The following EEIG1 variants were observed in gnomAD, a reference collection of about 807,000 sequenced individuals.
The protein encoded by EEIG1 is estrogen-induced osteoclastogenesis regulator 1.
chr9:127,954,572 C>G, the EEIG1 span, among the ~76,000 whole-genome samples: 4 of 152,328 alleles, frequency 2.6e-5, no homozygotes, highest in East Asian at 1.9e-4. Context: ...GGCCCTGGAG[C>G]CTGCTCCAAG....
the EEIG1 span, among the ~76,000 whole-genome samples, chr9:127,954,907 G>A: frequency 6.6e-6 from 1 of 152,334 alleles, no homozygotes; most frequent in Admixed American, 6.5e-5. Flanking sequence ...CCCTGGGAGT[G>A]AGTGGGAGCC....
chr9:127,963,312 T>C, the EEIG1 span, among the ~76,000 whole-genome samples: 1 of 152,190 alleles, frequency 6.6e-6, no homozygotes, highest in Non-Finnish European at 1.5e-5. Flanking sequence ...CCCCATGCAG[T>C]ACATGGGACC....
At chr9:127,945,294 G>T in the EEIG1 span, 1 of 1,229,094 alleles carries the variant, frequency 8.1e-7, no homozygotes, top group Non-Finnish European at 1.1e-6. The surrounding 1 kb of genome is among the most constrained non-coding windows in gnomAD (Gnocchi z 6.5). Context: ...TGTGTTATAG[G>T]TAAAGAAGCG....
the EEIG1 span, chr9:127,943,312 G>A: frequency 2.1e-6 from 3 of 1,461,932 alleles, no homozygotes; most frequent in Non-Finnish European, 2.9e-6. Context: ...CCAGGCCTCT[G>A]GAGGTGTTTC....
At chr9:127,948,073 G>A in the EEIG1 span, 2 of 1,610,852 alleles carry the variant, frequency 1.2e-6, no homozygotes, top group Non-Finnish European at 1.7e-6. Context: ...AACTGTACCT[G>A]AGCTGAGAAT....
the EEIG1 span, among the ~76,000 whole-genome samples, chr9:127,978,947 G>A: frequency 6.6e-6 from 1 of 152,106 alleles, no homozygotes. Context: ...AACCCGGGAG[G>A]TAGAGGTTGC....
chr9:127,975,704 TG>T, the EEIG1 span, among the ~76,000 whole-genome samples: 1 of 152,250 alleles, frequency 6.6e-6, no homozygotes, highest in South Asian at 2.1e-4. Flanking sequence ...GGTAAGTCAG[TG>T]CCTCCCTTGT....
chr9:127,974,669 G>T, the EEIG1 span, among the ~76,000 whole-genome samples: 1 of 152,230 alleles, frequency 6.6e-6, no homozygotes, highest in Non-Finnish European at 1.5e-5. Flanking sequence ...CCGGGATCCA[G>T]TGGGATGCAG....
At chr9:127,963,177 T>C in the EEIG1 span, among the ~76,000 whole-genome samples, 1 of 152,208 alleles carries the variant, frequency 6.6e-6, no homozygotes. Flanking sequence ...GTTTCCATAA[T>C]TGAAATTTAA....
chr9:127,941,093 G>C, the EEIG1 span: 1 of 152,332 alleles, frequency 6.6e-6, no homozygotes, highest in Non-Finnish European at 1.5e-5. Flanking sequence ...CTGAGGACAG[G>C]GCTCCCACAT....
At chr9:127,952,382 AC>A in the EEIG1 span, among the ~76,000 whole-genome samples, 5 of 152,240 alleles carry the variant, frequency 3.3e-5, no homozygotes, top group Admixed American at 3.3e-4. Flanking sequence ...CCCTCCTGCC[AC>A]TGGGCTAAGC....
the EEIG1 span, among the ~76,000 whole-genome samples, chr9:127,972,295 C>T: frequency 6.6e-6 from 1 of 152,138 alleles, no homozygotes; most frequent in Admixed American, 6.5e-5. This position sits in a 1 kb window ranked among gnomAD's most constrained non-coding sequence, Gnocchi z 4.3. Flanking sequence ...CGGTGTGCTC[C>T]TCACTCACCC....
At chr9:127,953,332 A>C in the EEIG1 span, 1 of 559,896 alleles carries the variant, frequency 1.8e-6, no homozygotes. Context: ...GGAGAGAGGA[A>C]AGGGGACAGA....
At chr9:127,943,106 A>T in the EEIG1 span, 6 of 1,269,746 alleles carry the variant, frequency 4.7e-6, no homozygotes, top group African/African-American at 7.3e-5. Context: ...CGCAGAGGTG[A>T]TCTGAAGGGG....
At chr9:127,976,579 T>G in the EEIG1 span, among the ~76,000 whole-genome samples, 35 of 152,090 alleles carry the variant, frequency 2.3e-4, no homozygotes, top group Non-Finnish European at 7.4e-5. The surrounding 1 kb of genome is among the most constrained non-coding windows in gnomAD (Gnocchi z 4.1). Flanking sequence ...TGGCACAGAG[T>G]GCAGGAGCTC....
chr9:127,953,338 A>G, the EEIG1 span: 1 of 563,886 alleles, frequency 1.8e-6, no homozygotes, highest in East Asian at 3.0e-5. Context: ...AGGAAAGGGG[A>G]CAGAAACTGG....
the EEIG1 span, among the ~76,000 whole-genome samples, chr9:127,957,943 G>A: frequency 1.1e-4 from 17 of 152,280 alleles, no homozygotes; most frequent in Non-Finnish European, 2.5e-4. Flanking sequence ...AACCCAGGAG[G>A]CGGAGGTTGC....
the EEIG1 span, among the ~76,000 whole-genome samples, chr9:127,971,662 C>T: frequency 1.3e-5 from 2 of 152,146 alleles, no homozygotes; most frequent in Admixed American, 1.3e-4. Flanking sequence ...CAACCCACAG[C>T]AGGAAGCCCC....
chr9:127,947,023 C>T, the EEIG1 span, among the ~76,000 whole-genome samples: 1 of 152,166 alleles, frequency 6.6e-6, no homozygotes, highest in African/African-American at 2.4e-5. Flanking sequence ...CCTGGCAACA[C>T]CCCCTCCTCC....
Sources: allele counts gnomAD v4.1 joint callset (sites outside exome capture counted in the v4.1 genomes callset), GRCh38; gene constraint gnomAD v4.1.1; non-coding constraint Gnocchi (gnomAD v3.1); transcripts MANE v1.5; gene names NCBI Gene and HGNC (gene_info 2026-07-23, HGNC 2026-07-21).